Variants in SLC66A2 observed in about 807,000 individuals in gnomAD.
SLC66A2 encodes the protein PQ loop repeat containing 1.
SLC66A2 carries 23 observed loss-of-function variants against 25.5 expected under a neutral mutation model. The ratio of observed to expected loss-of-function variants is 0.90; its 90% confidence interval spans 0.65 to 1.28. The LOEUF (loss-of-function observed/expected upper bound fraction) is 1.28. Ranked by LOEUF, SLC66A2 falls within the 50% of genes most tolerant of loss-of-function variation. The probability of loss-of-function intolerance (pLI) is 0.00; values close to 1 mark genes in which losing one functional copy is unlikely to be tolerated. For missense variants in SLC66A2, 396 were observed against 373.1 expected (o/e 1.06, Z -0.51); for synonymous variants, 193 against 166.5 (o/e 1.16, Z -1.23).
In SLC66A2 at chr18:79,927,757, C is replaced by T. The variant is rs1454649842; in HGVS notation, c.391+6212G>A. 6.6e-6 allele frequency among the ~76,000 whole-genome samples: 1 copy of T among 152,182 alleles called. No homozygotes were observed. The highest frequency in any genetic ancestry group is 1.5e-5 in the Non-Finnish European group (1 of 68,032). On this transcript the variant is annotated intron_variant, in intron 4 of 5. Coordinates refer to ENST00000397778, the MANE Select transcript of SLC66A2 (RefSeq NM_025078.5). The surrounding 1 kb of genome is among the most constrained non-coding windows in gnomAD (Gnocchi z 6.2). ...AGCCGTGCCGGCTTCCAAAGAGGACCCCGGGAAACAAACACCCTCCCACTC... is the reference window on the plus strand; with the variant it reads ...AGCCGTGCCGGCTTCCAAAGAGGACTCCGGGAAACAAACACCCTCCCACTC...
chr18:79,907,798 T>C (rs1043008227), intron 5 of SLC66A2, among the ~76,000 whole-genome samples: 29 of 152,010 alleles, frequency 1.9e-4, no homozygotes, highest in Admixed American at 5.2e-4. Context: ...TGGTATCTAG[T>C]GTGTAGGGGA....
intron 5 of SLC66A2, among the ~76,000 whole-genome samples, chr18:79,916,796 A>G (rs1016446152): frequency 5.3e-5 from 8 of 152,242 alleles, no homozygotes; most frequent in African/African-American, 1.9e-4. Context: ...TCTTTGTAAA[A>G]TATCAGCAAC....
Position 79,903,851 on chromosome 18 carries a change from A to C in SLC66A2, c.*125T>G. The C allele has an allele frequency of 1.3e-6, 1 of 768,712 alleles. No individual in the cohort carries two copies. The highest frequency in any genetic ancestry group is 2.0e-6 in the Non-Finnish European group (1 of 488,276). 47.6% of individuals were successfully genotyped at this position (768,712 alleles called of 1,614,324 possible). A position where few individuals can be genotyped will look rare whatever the true frequency, so the allele number is the denominator to read the frequency against. On this transcript the variant is annotated 3_prime_UTR_variant, in exon 6 of 6. Transcript: ENST00000397778. ...AGACACCCCACAGAGGCTGATGGAG[A>C]CCCCAATGCCCATGCCCCATCTCTG...
intron 2 of SLC66A2, among the ~76,000 whole-genome samples, chr18:79,946,913 C>CAGT (rs200480817): frequency 0.013 from 1,921 of 152,070 alleles, 34 homozygotes; most frequent in African/African-American, 0.04. Context: ...TGCAGTGAGC[C>CAGT]GAGATTGTGC....
At chr18:79,907,597 T>C (rs1982324463) in intron 5 of SLC66A2, among the ~76,000 whole-genome samples, 1 of 152,124 alleles carries the variant, frequency 6.6e-6, no homozygotes, top group Non-Finnish European at 1.5e-5. Flanking sequence ...CCAATCCACC[T>C]ACCTCGGTCT....
chr18:79,949,083 C>T (rs2051028796), intron 2 of SLC66A2, among the ~76,000 whole-genome samples: 1 of 152,162 alleles, frequency 6.6e-6, no homozygotes, highest in Non-Finnish European at 1.5e-5. Context: ...GACCCAAAAT[C>T]CTCCTCCGAG....
intron 4 of SLC66A2, among the ~76,000 whole-genome samples, chr18:79,931,047 C>T (rs1986521960): frequency 6.6e-6 from 1 of 152,020 alleles, no homozygotes; most frequent in Non-Finnish European, 1.5e-5. Flanking sequence ...TGTAAGCCTT[C>T]AAGTAACTAC....
At chr18:79,916,975 G>A (rs963586156) in intron 5 of SLC66A2, among the ~76,000 whole-genome samples, 14 of 152,260 alleles carry the variant, frequency 9.2e-5, no homozygotes, top group Non-Finnish European at 1.5e-4. Context: ...GGCGGTGCCC[G>A]CCGCAGGACC....
intron 5 of SLC66A2, among the ~76,000 whole-genome samples, chr18:79,914,144 T>A (rs1342855797): frequency 6.6e-6 from 1 of 152,214 alleles, no homozygotes; most frequent in Non-Finnish European, 1.5e-5. Context: ...AACCTTGTGA[T>A]CCACCTGCCC....
At chr18:79,912,126 G>GCGGGAGTGGGAGC (rs1983295384) in intron 5 of SLC66A2, among the ~76,000 whole-genome samples, 1 of 141,750 alleles carries the variant, frequency 7.1e-6, no homozygotes. Flanking sequence ...CGGGAGCAGG[G>GCGGGAGTGGGAGC]AGGGAGTGGG....
In SLC66A2 at chr18:79,919,177, G is replaced by A. The variant is rs755636023; in HGVS notation, c.608+7C>T. 9.4e-5 allele frequency: 151 copies of A among 1,611,766 alleles called. 1 individual carries two copies. Among genetic ancestry groups the A allele is most frequent in the African/African-American group, 2.1e-4 (16 of 75,030 alleles). ...GTGGTGCTTCCGTGGCGGCATCCCCGGCCTACCTCATGCCCTCCGTGGACT... is the reference window on the plus strand; with the variant it reads ...GTGGTGCTTCCGTGGCGGCATCCCCAGCCTACCTCATGCCCTCCGTGGACT... On this transcript the variant is annotated splice_region_variant and intron_variant, in intron 5 of 5. Transcript: ENST00000397778.
rs1010100079 is a variant in SLC66A2, at chr18:79,929,188, C to T, written c.391+4781G>A. On this transcript the variant is annotated intron_variant, in intron 4 of 5. Coordinates refer to ENST00000397778, the MANE Select transcript of SLC66A2 (RefSeq NM_025078.5). Reference sequence around the variant, plus strand: ...AGAAAGGACAACCAAGAGGAGCACTCCTGGGAACAGAACCACCACCAAACA... The same window carrying T: ...AGAAAGGACAACCAAGAGGAGCACTTCTGGGAACAGAACCACCACCAAACA... 2.0e-5 allele frequency among the ~76,000 whole-genome samples: 3 copies of T among 152,188 alleles called. No homozygotes were observed. In the South Asian group the frequency reaches 6.2e-4, roughly 32 times the overall value.
At position 79,921,843 on chromosome 18, in the gene SLC66A2, A is replaced by G. The variant is rs368567838; in HGVS notation, c.392-2443T>C. ...AGGTCAGGGTCAGAGGAGGAGAGAC[A>G]GGAACCGAGGGAGAGGTCAAGGTCA... On this transcript the variant is annotated intron_variant, in intron 4 of 5. Coordinates refer to ENST00000397778, the MANE Select transcript of SLC66A2 (RefSeq NM_025078.5). Among the ~76,000 whole-genome samples the G allele has an allele frequency of 1.4e-3, 27 of 19,808 alleles. 4 individuals carry two copies. Among genetic ancestry groups the G allele is most frequent in the Admixed American group, 7.0e-3 (7 of 994 alleles). The allele number at this position is 19,808 out of a possible 152,430, so 13.0% of individuals were successfully genotyped here. A position where few individuals can be genotyped will look rare whatever the true frequency, so the allele number is the denominator to read the frequency against.
rs759150341 is a variant in SLC66A2 at position 79,904,146 on chromosome 18, A to C, written c.646T>G (p.Phe216Val). ...TTCAGCAGGAAGTAGGCCGTCTTGAAGGCGTCACCACTGGTCCACATGAGC... is the reference window on the plus strand; with the variant it reads ...TTCAGCAGGAAGTAGGCCGTCTTGACGGCGTCACCACTGGTCCACATGAGC... ...MVLMWTSGDA[F>V]KTAYFLLKGA... Residue 216 changes from phenylalanine (F) to valine (V), a missense_variant, in exon 6 of 6, where the codon TTC becomes GTC. Phe to Val is a conservative substitution (Grantham distance 50, BLOSUM62 -1). Coordinates refer to ENST00000397778, the MANE Select transcript of SLC66A2 (RefSeq NM_025078.5). This position sits in a 1 kb window ranked among gnomAD's most constrained non-coding sequence, Gnocchi z 6.3. 77 of 1,612,866 alleles carry C rather than the reference A, an allele frequency of 4.8e-5. No homozygotes were observed. The highest frequency in any genetic ancestry group is 1.8e-4 in the Admixed American group (11 of 59,956).
chr18:79,914,320 C>A (rs1365604110), intron 5 of SLC66A2, among the ~76,000 whole-genome samples: 2 of 152,264 alleles, frequency 1.3e-5, no homozygotes, highest in Non-Finnish European at 2.9e-5. Context: ...ATCAAACCTG[C>A]ATTCAGAAAC....
At chr18:79,913,632 C>T (rs1202827728) in intron 5 of SLC66A2, among the ~76,000 whole-genome samples, 1 of 152,266 alleles carries the variant, frequency 6.6e-6, no homozygotes, top group Non-Finnish European at 1.5e-5. Context: ...GGCAACTGTG[C>T]ATGCCGGCCT....
chr18:79,903,870 A>C lies in SLC66A2; in HGVS notation c.*106T>G. 8.9e-6 allele frequency: 9 copies of C among 1,006,988 alleles called. No homozygotes were observed. The highest frequency in any genetic ancestry group is 2.7e-5 in the East Asian group (1 of 36,958). 62.4% of individuals were successfully genotyped at this position (1,006,988 alleles called of 1,614,324 possible). ...ATGGAGACCCCAATGCCCATGCCCCATCTCTGCCACACCTGCAGGGGCCAC... is the reference window on the plus strand; with the variant it reads ...ATGGAGACCCCAATGCCCATGCCCCCTCTCTGCCACACCTGCAGGGGCCAC... On this transcript the variant is annotated 3_prime_UTR_variant, in exon 6 of 6. Transcript: ENST00000397778.
intron 5 of SLC66A2, among the ~76,000 whole-genome samples, chr18:79,912,617 G>T (rs766248332): frequency 1.3e-5 from 2 of 152,190 alleles, no homozygotes; most frequent in Admixed American, 6.5e-5. Flanking sequence ...GTGGCAGCGG[G>T]GGTGAGGAGG....
chr18:79,929,804 C>A (rs1802580503), intron 4 of SLC66A2, among the ~76,000 whole-genome samples: 2 of 151,948 alleles, frequency 1.3e-5, no homozygotes. Context: ...TTGCAAAGCA[C>A]AACTAAAATT....
Sources: allele counts gnomAD v4.1 joint callset (sites outside exome capture counted in the v4.1 genomes callset), GRCh38; gene constraint gnomAD v4.1.1; non-coding constraint Gnocchi (gnomAD v3.1); transcripts MANE v1.5; gene names NCBI Gene and HGNC (gene_info 2026-07-23, HGNC 2026-07-21).